The following PCDHGB2 variants were observed in gnomAD, a reference collection of about 807,000 sequenced individuals.
The protein encoded by PCDHGB2 is protocadherin gamma subfamily B, 2.
PCDHGB2 carries 55 observed loss-of-function variants against 59.3 expected under a neutral mutation model. The observed-to-expected ratio is 0.93, with a 90% CI of 0.75 to 1.16. The LOEUF is 1.16. Ranked by LOEUF, PCDHGB2 falls within the 50% of genes most tolerant of loss-of-function variation. The pLI, the probability that PCDHGB2 is intolerant of heterozygous loss-of-function variation, is 0.00. For synonymous variants in PCDHGB2, 516 were observed against 512.0 expected (o/e 1.01, Z -0.11); for missense variants, 1,228 against 1,198.5 (o/e 1.02, Z -0.36).
intron 3 of PCDHGB2, among the ~76,000 whole-genome samples, chr5:141,505,981 A>G (rs1285802357): frequency 6.6e-6 from 1 of 151,898 alleles, no homozygotes; most frequent in Non-Finnish European, 1.5e-5. Context: ...CCGAGAGAAC[A>G]CCTCCTCTTT....
chr5:141,430,309 A>G (rs984998714), intron 1 of PCDHGB2, among the ~76,000 whole-genome samples: 2 of 152,116 alleles, frequency 1.3e-5, no homozygotes, highest in Non-Finnish European at 2.9e-5. Context: ...CACTAACATT[A>G]TAAGATTAAA....
At chr5:141,473,098 A>G (rs564554159) in intron 1 of PCDHGB2, among the ~76,000 whole-genome samples, 6 of 152,300 alleles carry the variant, frequency 3.9e-5, no homozygotes, top group South Asian at 4.1e-4. Context: ...TGTGAGTTGT[A>G]TTACCACACT....
chr5:141,428,200 G>A (rs1000165985), intron 1 of PCDHGB2: 3 of 1,363,858 alleles, frequency 2.2e-6, no homozygotes, highest in East Asian at 2.3e-5. Flanking sequence ...TCTCTGCGCC[G>A]CTACGCTTCA....
intron 2 of PCDHGB2, among the ~76,000 whole-genome samples, chr5:141,498,962 A>G (rs1257746192): frequency 8.0e-6 from 1 of 124,866 alleles, no homozygotes; most frequent in Non-Finnish European, 1.7e-5. Context: ...AGAGAGAGGG[A>G]GGGAGGGAGG....
In PCDHGB2 at chr5:141,361,864, A is replaced by G; in HGVS notation, c.1729A>G (p.Met577Val). The G allele has an allele frequency of 1.2e-6, 2 of 1,611,862 alleles. No homozygotes were observed. The highest frequency in any genetic ancestry group is 1.7e-6 in the Non-Finnish European group (2 of 1,179,628). The change falls in exon 1 of 4, where the codon ATG becomes GTG. Residue 577 changes from methionine (M) to valine (V), a missense_variant. Coordinates refer to ENST00000522605, the MANE Select transcript of PCDHGB2 (RefSeq NM_018923.3). ...LGPDGSALFD[M>V]VPRAAEPGYL... ...GCCTGATGGCTCCGCCCTCTTCGAT[A>G]TGGTGCCACGCGCCGCAGAGCCCGG... is the stretch of plus-strand genomic sequence containing the variant.
Position 141,500,858 on chromosome 5 carries a change from A to G in PCDHGB2, c.2481-4535A>G, listed in dbSNP as rs1160743056. Among the ~76,000 whole-genome samples the G allele has an allele frequency of 3.3e-5, 5 of 150,740 alleles. No individual in the cohort carries two copies. The South Asian group carries it at 1.0e-3, about 32-fold the overall frequency. ...TAATGGGCTTTTGCTACATTAGAAA[A>G]CATACACATTCATTTACAATTTTTT... On this transcript the variant is annotated intron_variant, in intron 2 of 3. Coordinates refer to ENST00000522605, the MANE Select transcript of PCDHGB2 (RefSeq NM_018923.3).
intron 1 of PCDHGB2, chr5:141,372,738 T>C: frequency 6.2e-7 from 1 of 1,613,740 alleles, no homozygotes; most frequent in Non-Finnish European, 8.5e-7. Flanking sequence ...AGATCTTCTA[T>C]GTGATGAAGC....
chr5:141,374,376 A>G (rs1770434456), intron 1 of PCDHGB2: 8 of 1,613,952 alleles, frequency 5.0e-6, no homozygotes, highest in Non-Finnish European at 6.8e-6. Context: ...CTCTGTGCTC[A>G]GAGCCCGCGG....
At position 141,490,356 on chromosome 5, in the gene PCDHGB2, T is replaced by C. The variant is rs771968534; in HGVS notation, c.2422-4451T>C. ...CAGTGGGCACAGTAGTGGGGTTGTT[T>C]AATGTGCGAGACCGGGACTCAGGTA... On this transcript the variant is annotated intron_variant, in intron 1 of 3. Coordinates refer to ENST00000522605, the MANE Select transcript of PCDHGB2 (RefSeq NM_018923.3). The surrounding 1 kb of genome is among the most constrained non-coding windows in gnomAD (Gnocchi z 5.4). 1.4e-5 allele frequency: 23 copies of C among 1,614,084 alleles called. No individual in the cohort carries two copies. Among genetic ancestry groups the C allele is most frequent in the Non-Finnish European group, 1.9e-5 (22 of 1,180,038 alleles).
chr5:141,415,130 A>G (rs2095833213), intron 1 of PCDHGB2: 3 of 1,613,636 alleles, frequency 1.9e-6, no homozygotes, highest in South Asian at 1.1e-5. Flanking sequence ...GCCGTCCAGG[A>G]CCACGGCCAG....
At chr5:141,441,864 G>A in intron 1 of PCDHGB2, 3 of 344,518 alleles carry the variant, frequency 8.7e-6, no homozygotes, top group Admixed American at 4.1e-5. Context: ...TGCACGCCGC[G>A]GAGCCTGGCT....
intron 1 of PCDHGB2, chr5:141,392,833 GC>G (rs922844407): frequency 1.2e-6 from 2 of 1,604,258 alleles, no homozygotes; most frequent in Non-Finnish European, 1.7e-6. Context: ...CCACAGAGTC[GC>G]CCCAGACGCG....
chr5:141,483,009 C>T (rs538900128), intron 1 of PCDHGB2, among the ~76,000 whole-genome samples: 4 of 151,942 alleles, frequency 2.6e-5, no homozygotes, highest in Non-Finnish European at 5.9e-5. Flanking sequence ...TGCTTGAACC[C>T]GGGAGGCAGA....
intron 1 of PCDHGB2, among the ~76,000 whole-genome samples, chr5:141,455,177 T>C (rs2098816411): frequency 6.6e-6 from 1 of 152,040 alleles, no homozygotes; most frequent in Non-Finnish European, 1.5e-5. Context: ...TTTTAGTTTT[T>C]TTATTTCTCT....
Position 141,477,919 on chromosome 5 carries a change from G to A in PCDHGB2, c.2422-16888G>A. 2.5e-6 allele frequency: 4 copies of A among 1,614,162 alleles called. No individual in the cohort carries two copies. The highest frequency in any genetic ancestry group is 8.5e-7 in the Non-Finnish European group (1 of 1,180,026). The stretch of plus-strand genomic sequence containing the variant: ...TGGTAGGCTGGGACGCGGATGCAGG[G>A]CACAATGCCTGGCTCTCCTACAGTC... On this transcript the variant is annotated intron_variant, in intron 1 of 3. Transcript: ENST00000522605. The surrounding 1 kb of genome is among the most constrained non-coding windows in gnomAD (Gnocchi z 4.9).
At chr5:141,446,766 C>T (rs1335326278) in intron 1 of PCDHGB2, among the ~76,000 whole-genome samples, 7 of 152,208 alleles carry the variant, frequency 4.6e-5, no homozygotes, top group East Asian at 3.9e-4. Context: ...CGCGCCCAGC[C>T]GGTTACCATT....
chr5:141,492,296 G>GACGC lies in PCDHGB2; in HGVS notation c.2422-2500_2422-2497dup, dbSNP rs540417011. 9.7e-4 allele frequency among the ~76,000 whole-genome samples: 148 copies of GACGC among 152,328 alleles called. 2 individuals are homozygous for GACGC. In the South Asian group the frequency reaches 0.014, roughly 14 times the overall value. ...GCCACGCCCCGCCAACACGTGCGCGGACGCACGCACGCACTCCTCGCACGT... is the reference window on the plus strand; with the variant it reads ...GCCACGCCCCGCCAACACGTGCGCGGACGCACGCACGCACGCACTCCTCGCACGT... On this transcript the variant is annotated intron_variant, in intron 1 of 3. Transcript: ENST00000522605.
Position 141,477,311 on chromosome 5 carries a change from C to G in PCDHGB2, c.2422-17496C>G. 6.2e-7 allele frequency: 1 copy of G among 1,614,186 alleles called. No individual in the cohort carries two copies. The highest frequency in any genetic ancestry group is 8.5e-7 in the Non-Finnish European group (1 of 1,180,032). ...AGTTCCACCGGGTCTCCCTTTCAGC[C>G]TTACTTCTTCCCTCAAGAATTACTT... On this transcript the variant is annotated intron_variant, in intron 1 of 3. Coordinates refer to ENST00000522605, the MANE Select transcript of PCDHGB2 (RefSeq NM_018923.3). The surrounding 1 kb of genome is among the most constrained non-coding windows in gnomAD (Gnocchi z 4.9).
At chr5:141,420,625 T>C (rs1440415745) in intron 1 of PCDHGB2, among the ~76,000 whole-genome samples, 1 of 152,242 alleles carries the variant, frequency 6.6e-6, no homozygotes, top group Non-Finnish European at 1.5e-5. Flanking sequence ...CTTCATTTAC[T>C]CAATAAAGGA....
Sources: allele counts gnomAD v4.1 joint callset (sites outside exome capture counted in the v4.1 genomes callset), GRCh38; gene constraint gnomAD v4.1.1; non-coding constraint Gnocchi (gnomAD v3.1); transcripts MANE v1.5; gene names NCBI Gene and HGNC (gene_info 2026-07-23, HGNC 2026-07-21).